The following PACRG variants were observed in gnomAD, a reference collection of about 807,000 sequenced individuals.
PACRG encodes parkin coregulated gene protein.
PACRG carries 29 observed loss-of-function variants against 29.7 expected under a neutral mutation model. The observed-to-expected ratio is 0.98, with a 90% CI of 0.73 to 1.33. PACRG has a LOEUF of 1.33. Among genes scored for constraint, PACRG ranks in the 40% most tolerant of loss-of-function variants. The probability of loss-of-function intolerance (pLI) is 0.00; values close to 1 mark genes in which losing one functional copy is unlikely to be tolerated. For missense variants in PACRG, 279 were observed against 316.2 expected, an observed-to-expected ratio of 0.88 and a Z score of 0.89; for synonymous variants, 116 against 118.7, an observed-to-expected ratio of 0.98 and a Z score of 0.15.
Position 162,967,441 on chromosome 6 carries a change from G to A in PACRG, c.292-94709G>A, listed in dbSNP as rs1220712468. On this transcript the variant is annotated intron_variant, in intron 2 of 4. Coordinates refer to ENST00000366888, the MANE Select transcript of PACRG (RefSeq NM_001080379.2). ...AAATCTATGTCACATCTACTGTGTG[G>A]TCTTCATATCTTAGTTATATTTAGA... Among the ~76,000 whole-genome samples the A allele has an allele frequency of 3.3e-5, 5 of 151,778 alleles. No homozygotes were observed. In the East Asian group the frequency reaches 7.7e-4, roughly 23 times the overall value.
Position 163,179,329 on chromosome 6 carries a change from C to T in PACRG, c.613+89921C>T, listed in dbSNP as rs141713462. The T allele has an allele frequency of 1.7e-4, 76 of 442,378 alleles. No homozygotes were observed. The East Asian group carries it at 5.1e-3, about 29-fold the overall frequency. 27.4% of individuals were successfully genotyped at this position (442,378 alleles called of 1,614,324 possible). A position where few individuals can be genotyped will look rare whatever the true frequency, so the allele number is the denominator to read the frequency against. ...CTGCACCTTGCTGAGCCACTGCTCCCAAGACGAGGCACAGAATTCCCAGAG... is the reference window on the plus strand; with the variant it reads ...CTGCACCTTGCTGAGCCACTGCTCCTAAGACGAGGCACAGAATTCCCAGAG... On this transcript the variant is annotated intron_variant, in intron 4 of 4. Transcript: ENST00000366888.
chr6:163,299,988 A>T (rs1784925855), intron 4 of PACRG, among the ~76,000 whole-genome samples: 1 of 152,212 alleles, frequency 6.6e-6, no homozygotes, highest in South Asian at 2.1e-4. Context: ...GGGGGCACAG[A>T]GCTCCCAGTA....
intron 4 of PACRG, among the ~76,000 whole-genome samples, chr6:163,121,608 T>G (rs1389874094): frequency 9.9e-5 from 15 of 151,962 alleles, no homozygotes; most frequent in Non-Finnish European, 1.6e-4. Context: ...CAGAAGCTCA[T>G]TTTCCTAAGT....
At chr6:163,239,885 GAC>G (rs1185083046) in intron 4 of PACRG, among the ~76,000 whole-genome samples, 2 of 101,000 alleles carry the variant, frequency 2.0e-5, no homozygotes, top group Non-Finnish European at 3.7e-5. Flanking sequence ...CACACACTCT[GAC>G]ACACACTCAC....
At chr6:163,141,147 A>AG (rs751062130) in intron 4 of PACRG, among the ~76,000 whole-genome samples, 3 of 152,208 alleles carry the variant, frequency 2.0e-5, no homozygotes, top group Non-Finnish European at 4.4e-5. Flanking sequence ...CCGAGACACA[A>AG]GGCAGTGGGT....
intron 4 of PACRG, among the ~76,000 whole-genome samples, chr6:163,115,575 T>A (rs520273): frequency 6.6e-6 from 1 of 151,786 alleles, no homozygotes; most frequent in South Asian, 2.1e-4. Flanking sequence ...TATACATGAG[T>A]GAGGAAACAA....
At chr6:163,012,041 G>A (rs773535935) in intron 2 of PACRG, among the ~76,000 whole-genome samples, 2 of 152,022 alleles carry the variant, frequency 1.3e-5, no homozygotes, top group Non-Finnish European at 2.9e-5. Context: ...CCTGTCACAC[G>A]GAAGGAAACA....
chr6:163,245,392 G>A (rs1428248654), intron 4 of PACRG, among the ~76,000 whole-genome samples: 2 of 152,042 alleles, frequency 1.3e-5, no homozygotes, highest in East Asian at 3.9e-4. Context: ...TCAGACTGGG[G>A]GTATTTTTAA....
intron 2 of PACRG, among the ~76,000 whole-genome samples, chr6:163,033,310 C>G (rs1052597373): frequency 1.3e-5 from 2 of 152,188 alleles, no homozygotes; most frequent in South Asian, 4.1e-4. Context: ...AGGTCTGACT[C>G]TCTCCAGCGT....
At chr6:162,960,777 T>C (rs774871663) in intron 2 of PACRG, among the ~76,000 whole-genome samples, 1 of 146,190 alleles carries the variant, frequency 6.8e-6, no homozygotes, top group Non-Finnish European at 1.5e-5. Flanking sequence ...TTTAAAAGGA[T>C]ATTGCTTCAG....
intron 2 of PACRG, among the ~76,000 whole-genome samples, chr6:162,967,784 C>A (rs1801174727): frequency 6.6e-6 from 1 of 152,002 alleles, no homozygotes; most frequent in Non-Finnish European, 1.5e-5. Flanking sequence ...TAGGATTGAA[C>A]TTTCTCTTTT....
chr6:162,772,281 G>A (rs1562581557), intron 1 of PACRG, among the ~76,000 whole-genome samples: 1 of 152,012 alleles, frequency 6.6e-6, no homozygotes, highest in African/African-American at 2.4e-5. Flanking sequence ...GAATAACTAC[G>A]AGAGCAACAA....
chr6:162,727,786 C>T (rs1779381038), upstream of PACRG: 20 of 1,118,680 alleles, frequency 1.8e-5, no homozygotes, highest in Admixed American at 4.2e-5. Flanking sequence ...CCCGCCCCCG[C>T]GCCCGGCCCT....
chr6:162,756,933 A>G (rs938535943), intron 1 of PACRG, among the ~76,000 whole-genome samples: 1 of 152,136 alleles, frequency 6.6e-6, no homozygotes, highest in Non-Finnish European at 1.5e-5. Context: ...ACTCTTTACA[A>G]TACAACCTTT....
chr6:163,187,388 GCCTTT>G (rs1779993587), intron 4 of PACRG, among the ~76,000 whole-genome samples: 1 of 151,998 alleles, frequency 6.6e-6, no homozygotes, highest in Admixed American at 6.6e-5. Flanking sequence ...CTCGCCGCCC[GCCTTT>G]CCAGTGGCTC....
intron 4 of PACRG, among the ~76,000 whole-genome samples, chr6:163,259,914 G>A (rs986973278): frequency 2.6e-5 from 4 of 152,172 alleles, no homozygotes; most frequent in Admixed American, 2.0e-4. Context: ...AAGGAGAACA[G>A]GATTCTCTGA....
At chr6:162,986,381 G>A (rs1802892023) in intron 2 of PACRG, among the ~76,000 whole-genome samples, 1 of 152,070 alleles carries the variant, frequency 6.6e-6, no homozygotes, top group African/African-American at 2.4e-5. Context: ...TGATGGAACA[G>A]AATAGAGAAC....
intron 4 of PACRG, among the ~76,000 whole-genome samples, chr6:163,294,856 A>G (rs1480806987): frequency 6.6e-6 from 1 of 152,194 alleles, no homozygotes; most frequent in African/African-American, 2.4e-5. Flanking sequence ...TTGTTTTCAT[A>G]TATATCACAA....
chr6:163,043,719 C>T (rs1809002174), intron 2 of PACRG, among the ~76,000 whole-genome samples: 1 of 152,122 alleles, frequency 6.6e-6, no homozygotes, highest in Non-Finnish European at 1.5e-5. Context: ...ATGAACTGAA[C>T]ATGGAGAATA....
Sources: allele counts gnomAD v4.1 joint callset (sites outside exome capture counted in the v4.1 genomes callset), GRCh38; gene constraint gnomAD v4.1.1; transcripts MANE v1.5; gene names NCBI Gene and HGNC (gene_info 2026-07-23, HGNC 2026-07-21).